SENP6: variants seen among roughly 807,000 people sequenced by gnomAD.
The protein encoded by SENP6 is SUMO specific peptidase 6.
In SENP6, 41 loss-of-function variants were observed where a neutral mutation model predicts 134.5. That is an observed-to-expected ratio of 0.30 (90% confidence interval 0.24 to 0.40). The LOEUF is 0.40. SENP6 is among the 10% of genes least tolerant of loss of function. The pLI is 1.00. For synonymous variants in SENP6, 395 were observed against 429.8 expected (o/e 0.92, Z 1.00); for missense variants, 1,248 against 1,312.5 (o/e 0.95, Z 0.76).
chr6:75,678,921 A>G lies in SENP6; in HGVS notation c.2069A>G (p.Tyr690Cys). The G allele has an allele frequency of 7.3e-7, 1 of 1,368,302 alleles. No homozygotes were observed. Among genetic ancestry groups the G allele is most frequent in the South Asian group, 1.2e-5 (1 of 83,042 alleles). 84.8% of individuals were successfully genotyped at this position (1,368,302 alleles called of 1,614,324 possible). ...TTAAATGATGTTATTATAGACTTTT[A>G]TTTGAAGTAAGTTAATTTTCCACTG... ...EFLNDVIIDFYLKYLVLEKLK... is the reference protein window; with the variant it reads ...EFLNDVIIDFCLKYLVLEKLK... The change falls in exon 16 of 24, where the codon TAT (tyrosine) becomes TGT (cysteine). Residue 690 changes from tyrosine (Y) to cysteine (C), a missense_variant. Around this residue, in one of 3 missense-constraint regions of SENP6, gnomAD observed 129 missense variants for 192.0 expected, o/e 0.67. Coordinates refer to ENST00000447266, the MANE Select transcript of SENP6 (RefSeq NM_015571.4).
intron 4 of SENP6, 46 bp downstream of exon 4, chr6:75,633,772 A>C: frequency 1.3e-6 from 2 of 1,526,642 alleles, no homozygotes; most frequent in South Asian, 2.6e-5. Flanking sequence ...ATAAAGGAAG[A>C]GTTTGACACC....
At chr6:75,666,486 T>A (rs1256668125) in intron 9 of SENP6, among the ~76,000 whole-genome samples, 1 of 151,180 alleles carries the variant, frequency 6.6e-6, no homozygotes, top group African/African-American at 2.4e-5. Flanking sequence ...TCATATTTTT[T>A]AAAAGATACC....
chr6:75,662,400 G>T (rs186530232), intron 8 of SENP6, among the ~76,000 whole-genome samples: 34 of 152,100 alleles, frequency 2.2e-4, no homozygotes, highest in African/African-American at 8.0e-4. Flanking sequence ...CTCCCAATGT[G>T]TTGGGCTTAC....
chr6:75,617,435 G>T (rs1440540088), intron 1 of SENP6, among the ~76,000 whole-genome samples: 2 of 151,614 alleles, frequency 1.3e-5, no homozygotes, highest in Admixed American at 1.3e-4. Context: ...CACCACACCG[G>T]CTAATTTTGT....
chr6:75,657,751 A>G (rs1028166790), intron 7 of SENP6, among the ~76,000 whole-genome samples: 3 of 152,208 alleles, frequency 2.0e-5, no homozygotes, highest in African/African-American at 7.2e-5. Flanking sequence ...GAGAGCTGTG[A>G]AAACTCTAGG....
chr6:75,637,167 AC>A (rs1490188461), intron 5 of SENP6, among the ~76,000 whole-genome samples: 2 of 152,158 alleles, frequency 1.3e-5, no homozygotes, highest in Non-Finnish European at 2.9e-5. Flanking sequence ...TGAGCACTGC[AC>A]CTGTCTCAAG....
chr6:75,713,742 G>C lies in SENP6; in HGVS notation c.3046G>C (p.Gly1016Arg). 6.2e-7 allele frequency: 1 copy of C among 1,613,160 alleles called. No homozygotes were observed. Among genetic ancestry groups the C allele is most frequent in the Non-Finnish European group, 8.5e-7 (1 of 1,179,398 alleles). ...KRSFSKDVMKGSNPKVPQQNN... is the reference protein window; with the variant it reads ...KRSFSKDVMKRSNPKVPQQNN... ...AAGTTTTTCCAAAGATGTTATGAAG[G>C]GCTCTAATCCAAAAGTACCACAGCA... The change falls in exon 23 of 24, where the codon GGC (glycine) becomes CGC (arginine). Residue 1016 changes from glycine to arginine, a missense_variant. By Grantham distance (125) the Gly-to-Arg change is moderately radical (BLOSUM62 -2). Transcript: ENST00000447266.
At chr6:75,680,918 T>A (rs1773419699) in intron 16 of SENP6, among the ~76,000 whole-genome samples, 1 of 152,170 alleles carries the variant, frequency 6.6e-6, no homozygotes, top group Non-Finnish European at 1.5e-5. Flanking sequence ...AAGAATTATA[T>A]TGCTCTACAT....
chr6:75,649,454 CAAGTT>C (rs1276980615), intron 7 of SENP6, among the ~76,000 whole-genome samples: 1 of 152,154 alleles, frequency 6.6e-6, no homozygotes, highest in Non-Finnish European at 1.5e-5. Context: ...TAAGCATATT[CAAGTT>C]AAGAGAAAAA....
chr6:75,649,928 C>G (rs1008459033), intron 7 of SENP6, among the ~76,000 whole-genome samples: 1 of 152,082 alleles, frequency 6.6e-6, no homozygotes, highest in African/African-American at 2.4e-5. Flanking sequence ...TTTTATAATC[C>G]TCGTACACTT....
At position 75,676,963 on chromosome 6, in the gene SENP6, C is replaced by T. The variant is rs139312716; in HGVS notation, c.1622-67C>T. ...TCCTCCTGGAAAGAATTAATAATTA[C>T]TCCTTTTAAAAGTATCTATTTACTT... On this transcript the variant is annotated intron_variant, in intron 13 of 23. Coordinates refer to ENST00000447266, the MANE Select transcript of SENP6 (RefSeq NM_015571.4). The T allele has an allele frequency of 5.3e-6, 4 of 758,672 alleles. No individual in the cohort carries two copies. The African/African-American group carries it at 7.2e-5, about 14-fold the overall frequency. 47.0% of individuals were successfully genotyped at this position (758,672 alleles called of 1,614,324 possible). A position where few individuals can be genotyped will look rare whatever the true frequency, so the allele number is the denominator to read the frequency against.
intron 8 of SENP6, among the ~76,000 whole-genome samples, chr6:75,659,814 T>C (rs1265856244): frequency 1.3e-5 from 2 of 152,166 alleles, no homozygotes; most frequent in African/African-American, 4.8e-5. Context: ...CATAAACGTG[T>C]GTATATGTAT....
intron 6 of SENP6, among the ~76,000 whole-genome samples, chr6:75,646,010 A>C (rs944387818): frequency 2.6e-5 from 4 of 152,214 alleles, no homozygotes; most frequent in Non-Finnish European, 5.9e-5. Context: ...GCACTGCATT[A>C]ATATAACAGT....
chr6:75,654,172 A>G (rs2149855975), intron 7 of SENP6, among the ~76,000 whole-genome samples: 1 of 152,330 alleles, frequency 6.6e-6, no homozygotes, highest in African/African-American at 2.4e-5. Flanking sequence ...TGCAGTGAGC[A>G]CAGGTTGAGG....
At chr6:75,609,037 A>G (rs1767243531) in intron 1 of SENP6, among the ~76,000 whole-genome samples, 1 of 152,226 alleles carries the variant, frequency 6.6e-6, no homozygotes, top group Non-Finnish European at 1.5e-5. Flanking sequence ...ACTTTCATAA[A>G]TTGATTATTC....
chr6:75,625,842 C>G (rs1768645692), intron 3 of SENP6, among the ~76,000 whole-genome samples: 1 of 152,146 alleles, frequency 6.6e-6, no homozygotes, highest in Admixed American at 6.6e-5. Context: ...GCACTCCAGC[C>G]TGGGTGACAG....
In SENP6 at chr6:75,623,842, A is replaced by T; in HGVS notation, c.147-58A>T. On this transcript the variant is annotated intron_variant, in intron 2 of 23. Coordinates refer to ENST00000447266, the MANE Select transcript of SENP6 (RefSeq NM_015571.4). ...TGAACATAGAGGATAAAACCTCAGA[A>T]TTTAATATAAGGATTGTGATTGCTA... 3.4e-6 allele frequency: 5 copies of T among 1,453,792 alleles called. No homozygotes were observed. The South Asian group carries it at 5.0e-5, about 14-fold the overall frequency. 90.1% of individuals were successfully genotyped at this position (1,453,792 alleles called of 1,614,324 possible). A position where few individuals can be genotyped will look rare whatever the true frequency, so the allele number is the denominator to read the frequency against.
chr6:75,622,933 T>G (rs1768386099), intron 2 of SENP6: 1 of 619,826 alleles, frequency 1.6e-6, no homozygotes, highest in African/African-American at 1.9e-5. Context: ...CTGATTACTT[T>G]AAAATATAAA....
At chr6:75,696,304 G>A (rs1381138820) in intron 17 of SENP6, among the ~76,000 whole-genome samples, 1 of 152,116 alleles carries the variant, frequency 6.6e-6, no homozygotes, top group East Asian at 1.9e-4. Flanking sequence ...AATGTGACTA[G>A]TAGGTTTTTT....
Sources: gnomAD v4.1 joint callset for allele counts (sites outside exome capture counted in the v4.1 genomes callset) on GRCh38, gnomAD v4.1.1 for gene constraint, gnomAD v4.1.1 regional missense constraint, MANE v1.5 for transcripts, NCBI Gene and HGNC (gene_info 2026-07-23, HGNC 2026-07-21) for gene names.